The following SEC14L6 variants were observed in gnomAD, a reference collection of about 807,000 sequenced individuals.
SEC14L6 encodes the protein SEC14-like protein 6.
A neutral mutation model predicts 54.1 loss-of-function variants in SEC14L6; 40 were observed. The observed-to-expected ratio is 0.74, with a 90% CI of 0.57 to 0.96. The LOEUF is 0.96. Among genes scored for constraint, SEC14L6 ranks in the 40% least tolerant of loss-of-function variants. The pLI, the probability that SEC14L6 is intolerant of heterozygous loss-of-function variation, is 0.00. For synonymous variants in SEC14L6, 171 were observed against 198.4 expected (o/e 0.86, Z 1.16); for missense variants, 471 against 498.3 (o/e 0.95, Z 0.52).
At chr22:30,530,394 G>C (rs374861775) in intron 6 of SEC14L6, among the ~76,000 whole-genome samples, 1 of 152,068 alleles carries the variant, frequency 6.6e-6, no homozygotes, top group Non-Finnish European at 1.5e-5. Flanking sequence ...GTGAGACTCC[G>C]TCTCAAAAAA....
rs148657246 is a variant in SEC14L6, at chr22:30,533,166, C to G, written c.175-310G>C. On this transcript the variant is annotated intron_variant, in intron 3 of 11. Transcript: ENST00000402034. ...TGGCTGCCCTGGGAGTCAGACTCTA[C>G]TTCCTGACTTCCAGTTGCCCTTAAG... The G allele has an allele frequency of 2.1e-3, 2,030 of 983,186 alleles. 10 individuals carry two copies. Among genetic ancestry groups the G allele is most frequent in the African/African-American group, 0.015 (851 of 56,592 alleles). The allele number at this position is 983,186 out of a possible 1,614,324, so 60.9% of individuals were successfully genotyped here.
chr22:30,542,064 C>G (rs2146300456), intron 1 of SEC14L6, among the ~76,000 whole-genome samples: 1 of 152,294 alleles, frequency 6.6e-6, no homozygotes, highest in Non-Finnish European at 1.5e-5. Context: ...GGCCGGTGGG[C>G]GGGGACGCCC....
rs1447034384 is a variant in SEC14L6 at position 30,523,084 on chromosome 22, CA to C, written c.*1912del. 6.6e-6 allele frequency: 1 copy of C among 152,028 alleles called. No homozygotes were observed. Among genetic ancestry groups the C allele is most frequent in the Non-Finnish European group, 1.5e-5 (1 of 68,014 alleles). The allele number at this position is 152,028 out of a possible 1,614,324, so 9.4% of individuals were successfully genotyped here. A position where few individuals can be genotyped will look rare whatever the true frequency, so the allele number is the denominator to read the frequency against. ...GGATGAAGAACAGATCAGTGGCTGT[CA>C]GGGGAGGGGCTGAGGGAGAGCAAGG... On this transcript the variant is annotated 3_prime_UTR_variant, in exon 12 of 12. Coordinates refer to ENST00000402034, the MANE Select transcript of SEC14L6 (RefSeq NM_001193336.4).
In SEC14L6 at chr22:30,537,996, C is replaced by T. The variant is rs2085628716; in HGVS notation, c.130+831G>A. Among the ~76,000 whole-genome samples, 2 of 152,146 alleles carry T rather than the reference C, an allele frequency of 1.3e-5. 1 individual carries two copies. Among genetic ancestry groups the T allele is most frequent in the Admixed American group, 1.3e-4 (2 of 15,264 alleles). Reference sequence around the variant, plus strand: ...TCATTATTCTGTCTTTGACAGTTCCCTCCCACACTGAGCAGGGCTGAGCTG... The same window carrying T: ...TCATTATTCTGTCTTTGACAGTTCCTTCCCACACTGAGCAGGGCTGAGCTG... On this transcript the variant is annotated intron_variant, in intron 2 of 11. Coordinates refer to ENST00000402034, the MANE Select transcript of SEC14L6 (RefSeq NM_001193336.4).
At chr22:30,543,667 C>T (rs1016232519) in intron 1 of SEC14L6, 2 of 1,612,160 alleles carry the variant, frequency 1.2e-6, no homozygotes, top group East Asian at 2.2e-5. Context: ...GAACACTGGA[C>T]CTAATGAACA....
At chr22:30,541,849 T>TA (rs1361241165) in intron 1 of SEC14L6, among the ~76,000 whole-genome samples, 2 of 152,084 alleles carry the variant, frequency 1.3e-5, no homozygotes, top group Non-Finnish European at 2.9e-5. Context: ...AATGAATAAA[T>TA]AAATTTCCTG....
chr22:30,539,378 A>G (rs192078393), intron 1 of SEC14L6, among the ~76,000 whole-genome samples: 1 of 151,668 alleles, frequency 6.6e-6, no homozygotes, highest in African/African-American at 2.4e-5. Flanking sequence ...ACTTTGTCTC[A>G]AAAAAAAAGA....
intron 5 of SEC14L6, 177 bp downstream of exon 5, chr22:30,532,348 C>T: frequency 1.1e-6 from 1 of 939,188 alleles, no homozygotes; most frequent in African/African-American, 1.8e-5. Context: ...ATTCCCAGTT[C>T]AGCCACATAC....
intron 1 of SEC14L6, among the ~76,000 whole-genome samples, chr22:30,541,688 G>C (rs1056244741): frequency 2.6e-5 from 4 of 151,780 alleles, no homozygotes; most frequent in Non-Finnish European, 4.4e-5. Flanking sequence ...TTAAAAATTA[G>C]CTGGGTGTGG....
chr22:30,532,134 G>C, intron 5 of SEC14L6, 136 bp from the exon 6 acceptor site: 1 of 1,442,688 alleles, frequency 6.9e-7, no homozygotes, highest in Non-Finnish European at 9.1e-7. Context: ...GGGAGGGAAG[G>C]GGCCATCCCA....
rs1936879527 is a variant in SEC14L6 at position 30,529,117 on chromosome 22, C to G, written c.634G>C (p.Glu212Gln). 1 of 1,551,326 alleles carries G rather than the reference C, an allele frequency of 6.4e-7. No individual in the cohort carries two copies. Among genetic ancestry groups the G allele is most frequent in the Non-Finnish European group, 8.7e-7 (1 of 1,147,186 alleles). ...FNLVKSYMSE[E>Q]TRRKVVILGD... is the part of the protein sequence containing the mutation. ...AGAATCACCACCTTCCTGCGTGTCT[C>G]TTCACTCATGTAAGACTTGACCAGG... Residue 212 changes from glutamate (E) to glutamine (Q), a missense_variant, in exon 8 of 12, where the codon GAG becomes CAG. Coordinates refer to ENST00000402034, the MANE Select transcript of SEC14L6 (RefSeq NM_001193336.4).
At position 30,525,050 on chromosome 22, in the gene SEC14L6, C is replaced by T. The variant is rs200443600; in HGVS notation, c.1141G>A (p.Val381Met). The T allele has an allele frequency of 8.4e-5, 130 of 1,550,054 alleles. No individual in the cohort carries two copies. Among genetic ancestry groups the T allele is most frequent in the East Asian group, 4.9e-5 (2 of 40,922 alleles). The change falls in exon 12 of 12, where the codon GTG (valine) becomes ATG (methionine). Residue 381 changes from valine to methionine, a missense_variant. Transcript: ENST00000402034. The part of the protein sequence containing the change: ...LVHSKRISYT[V>M]EVLLPDQTFM... ...GTTTGGTCTGGGAGCAGTACCTCCACGGTGTAGCTGATGCGTTTAGAATGA... is the reference window on the plus strand; with the variant it reads ...GTTTGGTCTGGGAGCAGTACCTCCATGGTGTAGCTGATGCGTTTAGAATGA...
intron 6 of SEC14L6, among the ~76,000 whole-genome samples, chr22:30,531,226 G>A (rs1472766887): frequency 6.6e-6 from 1 of 151,966 alleles, no homozygotes; most frequent in Admixed American, 6.6e-5. Flanking sequence ...TGGCCAACAT[G>A]GTGAAACCCC....
intron 1 of SEC14L6, among the ~76,000 whole-genome samples, chr22:30,544,475 T>TCCACCA (rs554820810): frequency 6.6e-5 from 10 of 151,764 alleles, no homozygotes; most frequent in Admixed American, 4.6e-4. Flanking sequence ...TCCCCTGACC[T>TCCACCA]CCACCACCAC....
At chr22:30,525,152 G>A in intron 11 of SEC14L6, 43 bp from the exon 12 acceptor site, 1 of 1,313,060 alleles carries the variant, frequency 7.6e-7, no homozygotes, top group Non-Finnish European at 1.1e-6. Flanking sequence ...CCCCACCTGG[G>A]ACTCTGACTT....
At chr22:30,536,823 G>A (rs1283892288) in intron 2 of SEC14L6, among the ~76,000 whole-genome samples, 2 of 151,746 alleles carry the variant, frequency 1.3e-5, no homozygotes, top group South Asian at 2.1e-4. Flanking sequence ...TCAGGAGTTC[G>A]AGACCAGCCT....
At chr22:30,533,282 A>G in intron 3 of SEC14L6, 1 of 270,594 alleles carries the variant, frequency 3.7e-6, no homozygotes, top group Non-Finnish European at 5.7e-6. Flanking sequence ...TCTCTCTCCA[A>G]CACGATCTCC....
chr22:30,525,029 G>T lies in SEC14L6; in HGVS notation c.1162C>A (p.Gln388Lys). Residue 388 changes from glutamine (Q) to lysine (K), a missense_variant, in exon 12 of 12, where the codon CAA becomes AAA. Coordinates refer to ENST00000402034, the MANE Select transcript of SEC14L6 (RefSeq NM_001193336.4). ...TTCTCCATCTTCTCCATGAAGGTTT[G>T]GTCTGGGAGCAGTACCTCCACGGTG... is the stretch of plus-strand genomic sequence containing the variant. ...SYTVEVLLPDQTFMEKMEKF is the reference protein window; with the variant it reads ...SYTVEVLLPDKTFMEKMEKF 1 of 1,546,988 alleles carries T rather than the reference G, an allele frequency of 6.5e-7. No individual in the cohort carries two copies. Among genetic ancestry groups the T allele is most frequent in the Middle Eastern group, 1.7e-4 (1 of 5,988 alleles).
intron 6 of SEC14L6, among the ~76,000 whole-genome samples, chr22:30,531,442 G>C (rs527730097): frequency 7.4e-5 from 11 of 148,122 alleles, no homozygotes; most frequent in African/African-American, 2.5e-4. Context: ...AAAAAAAAAC[G>C]GGCCAGGCAC....
Sources: gnomAD v4.1 joint callset for allele counts (sites outside exome capture counted in the v4.1 genomes callset) on GRCh38, gnomAD v4.1.1 for gene constraint, MANE v1.5 for transcripts, NCBI Gene and HGNC (gene_info 2026-07-23, HGNC 2026-07-21) for gene names.